The following KLHL13 variants were observed in gnomAD, a reference collection of about 807,000 sequenced individuals.
KLHL13 encodes the protein kelch like family member 13.
Under a neutral mutation model 37.1 loss-of-function variants are expected in KLHL13, and 10 were observed. The ratio of observed to expected loss-of-function variants is 0.27; its 90% CI spans 0.17 to 0.46. The LOEUF is 0.46. Ranked by LOEUF, KLHL13 falls within the 20% of genes least tolerant of loss-of-function variation. The probability of loss-of-function intolerance (pLI) is 1.00; values close to 1 mark genes in which losing one functional copy is unlikely to be tolerated. For missense variants in KLHL13, 360 were observed against 509.3 expected (o/e 0.71, Z 2.82); for synonymous variants, 163 against 181.2 (o/e 0.90, Z 0.81).
At chrX:118,104,501 A>C (rs1239100145) in intron 1 of KLHL13, among the ~76,000 whole-genome samples, 2 of 112,072 alleles carry the variant, frequency 1.8e-5, no homozygotes, top group African/African-American at 6.5e-5. Flanking sequence ...TGCTATTTAG[A>C]ACTAAGATCA....
intron 1 of KLHL13, among the ~76,000 whole-genome samples, chrX:118,062,303 CAT>C (rs1160435587): frequency 9.0e-6 from 1 of 110,691 alleles, no homozygotes; most frequent in East Asian, 2.8e-4. Context: ...TTTGTCATGA[CAT>C]GTTTTCTCGG....
chrX:117,993,703 C>T (rs1007790209), intron 1 of KLHL13, among the ~76,000 whole-genome samples: 2 of 109,209 alleles, frequency 1.8e-5, no homozygotes, highest in African/African-American at 6.7e-5. Flanking sequence ...CAAAAAGGAC[C>T]ACAGTATATG....
chrX:118,074,749 TA>T (rs746184093), intron 1 of KLHL13, among the ~76,000 whole-genome samples: 1 of 112,122 alleles, frequency 8.9e-6, no homozygotes, highest in African/African-American at 3.2e-5. Flanking sequence ...TGTTTCACTA[TA>T]AAAATTTGAT....
intron 1 of KLHL13, among the ~76,000 whole-genome samples, chrX:118,011,595 A>C (rs766597174): frequency 9.0e-6 from 1 of 111,316 alleles, no homozygotes; most frequent in African/African-American, 3.3e-5. Context: ...TGGAGAAATA[A>C]TTGGGAAGGA....
intron 1 of KLHL13, chrX:117,983,686 C>T (rs950112340): frequency 7.4e-6 from 3 of 404,613 alleles, no homozygotes; most frequent in Non-Finnish European, 1.3e-5. Flanking sequence ...TAAAACCACA[C>T]ATAACAATTT....
exon 7 of KLHL13, chrX:117,898,877 G>A (rs377151140): frequency 1.7e-6 from 2 of 1,168,095 alleles, no homozygotes; most frequent in Non-Finnish European, 2.3e-6. Context: ...TGCAAAGATA[G>A]AACTACAGCA....
chrX:117,944,995 C>T (rs1281195467), intron 2 of KLHL13, among the ~76,000 whole-genome samples: 2 of 111,842 alleles, frequency 1.8e-5, no homozygotes, highest in African/African-American at 6.5e-5. Flanking sequence ...AGAACCATTA[C>T]AAAGATGATA....
At chrX:118,071,615 A>C (rs754912770) in intron 1 of KLHL13, among the ~76,000 whole-genome samples, 1 of 111,194 alleles carries the variant, frequency 9.0e-6, no homozygotes, top group Non-Finnish European at 1.9e-5. Flanking sequence ...TAAGCTGATA[A>C]GCAACTTCAG....
chrX:118,103,479 G>A (rs2055311948), intron 1 of KLHL13, among the ~76,000 whole-genome samples: 1 of 111,428 alleles, frequency 9.0e-6, no homozygotes, highest in Non-Finnish European at 1.9e-5. Flanking sequence ...TAAAAATACT[G>A]AAAAAGTGTA....
chrX:118,010,647 G>A (rs1188381889), intron 1 of KLHL13, among the ~76,000 whole-genome samples: 3 of 88,961 alleles, frequency 3.4e-5, no homozygotes, highest in South Asian at 6.7e-4. Flanking sequence ...GCTAGATGAC[G>A]AGTTAGTGGG....
At chrX:118,040,271 C>A (rs962489442) in intron 1 of KLHL13, among the ~76,000 whole-genome samples, 6 of 111,627 alleles carry the variant, frequency 5.4e-5, no homozygotes, top group African/African-American at 2.0e-4. Context: ...AAATGAGGTA[C>A]CAGAGACCAG....
At chrX:117,914,405 G>A (rs1165203189) in intron 4 of KLHL13, 2 of 110,822 alleles carry the variant, frequency 1.8e-5, no homozygotes, top group Non-Finnish European at 3.8e-5. Context: ...GCAAAAATTT[G>A]GGGAACTCCT....
At chrX:117,919,194 T>C (rs1285696360) in intron 4 of KLHL13, among the ~76,000 whole-genome samples, 1 of 111,648 alleles carries the variant, frequency 9.0e-6, no homozygotes, top group Non-Finnish European at 1.9e-5. Flanking sequence ...CAGCTAATTT[T>C]TGTATTTTTA....
At chrX:118,023,189 T>C (rs754867966) in intron 1 of KLHL13, among the ~76,000 whole-genome samples, 35 of 111,876 alleles carry the variant, frequency 3.1e-4, no homozygotes, top group African/African-American at 1.1e-3. Flanking sequence ...TTTACTGACA[T>C]TGGACAGAAT....
intron 1 of KLHL13, among the ~76,000 whole-genome samples, chrX:118,058,855 A>C (rs1200310467): frequency 2.7e-5 from 3 of 111,861 alleles, no homozygotes; most frequent in Non-Finnish European, 3.8e-5. Context: ...TCTATTCAAA[A>C]CACAGTAAAG....
intron 1 of KLHL13, among the ~76,000 whole-genome samples, chrX:117,951,805 G>A (rs892584651): frequency 8.9e-6 from 1 of 112,287 alleles, no homozygotes; most frequent in Non-Finnish European, 1.9e-5. Flanking sequence ...GCACATTCTA[G>A]TATCCTATTT....
intron 1 of KLHL13, among the ~76,000 whole-genome samples, chrX:117,956,798 A>G (rs1488487158): frequency 9.0e-6 from 1 of 111,570 alleles, no homozygotes; most frequent in African/African-American, 3.2e-5. Context: ...GGAAAATGCT[A>G]CTACCCTCAC....
At chrX:117,990,766 G>A (rs889637743) in intron 1 of KLHL13, among the ~76,000 whole-genome samples, 4 of 111,542 alleles carry the variant, frequency 3.6e-5, no homozygotes, top group African/African-American at 1.3e-4. Flanking sequence ...CCCTTTTAAC[G>A]TTCAAAACAG....
chrX:118,000,073 G>C (rs1268410384), intron 1 of KLHL13, among the ~76,000 whole-genome samples: 2 of 112,030 alleles, frequency 1.8e-5, no homozygotes, highest in African/African-American at 6.5e-5. Flanking sequence ...GATGGGAACT[G>C]TTAACCCCAT....
Sources: gnomAD v4.1 joint callset for allele counts (sites outside exome capture counted in the v4.1 genomes callset) on GRCh38, gnomAD v4.1.1 for gene constraint, MANE v1.5 for transcripts, NCBI Gene and HGNC (gene_info 2026-07-23, HGNC 2026-07-21) for gene names.